Variants in COL26A1 observed in about 807,000 individuals in gnomAD.
The protein encoded by COL26A1 is collagen alpha-1(XXVI) chain.
In COL26A1, 41 loss-of-function variants were observed where a neutral mutation model predicts 59.3. That is an observed-to-expected ratio of 0.69 (90% CI 0.54 to 0.90). The LOEUF is 0.90. Among genes scored for constraint, COL26A1 ranks in the 40% least tolerant of loss-of-function variants. COL26A1 has a pLI of 0.00. For synonymous variants in COL26A1, 266 were observed against 256.0 expected, an observed-to-expected ratio of 1.04 and a Z score of -0.37; for missense variants, 612 against 602.3, an observed-to-expected ratio of 1.02 and a Z score of -0.17.
chr7:101,391,297 G>C (rs1400798244), intron 1 of COL26A1, among the ~76,000 whole-genome samples: 1 of 152,166 alleles, frequency 6.6e-6, no homozygotes, highest in Non-Finnish European at 1.5e-5. Flanking sequence ...TCCGGGCCTG[G>C]CCGGGATTCT....
At chr7:101,504,786 G>A (rs866677422) in intron 3 of COL26A1, among the ~76,000 whole-genome samples, 7 of 152,186 alleles carry the variant, frequency 4.6e-5, no homozygotes, top group Non-Finnish European at 8.8e-5. Context: ...CCAGAGCCTG[G>A]ACTCTTGGTT....
In COL26A1 at chr7:101,555,829, G is replaced by A. The variant is rs769822704; in HGVS notation, c.1123G>A (p.Ala375Thr). Residue 375 changes from alanine (A) to threonine (T), a missense_variant, in exon 12 of 13, where the codon GCA becomes ACA. Ala to Thr is a moderately conservative substitution (Grantham distance 58). Coordinates refer to ENST00000313669, the MANE Select transcript of COL26A1 (RefSeq NM_001278563.3). Reference protein sequence around the residue: ...QQLREALKILAERVLILEHMI... With the variant: ...QQLREALKILTERVLILEHMI... ...GCTGAGAGAGGCCCTGAAGATCCTG[G>A]CAGAGCGAGTCCTCATCCTGGAGCA... The A allele has an allele frequency of 1.2e-5, 19 of 1,611,950 alleles. No individual in the cohort carries two copies. The highest frequency in any genetic ancestry group is 1.7e-5 in the Admixed American group (1 of 59,794).
At chr7:101,409,673 C>T (rs1340084490) in intron 1 of COL26A1, among the ~76,000 whole-genome samples, 5 of 152,218 alleles carry the variant, frequency 3.3e-5, no homozygotes, top group Admixed American at 6.5e-5. Flanking sequence ...GCAGGTGTTG[C>T]AGCAGAGAAA....
chr7:101,398,829 G>A (rs1014627303), intron 1 of COL26A1, among the ~76,000 whole-genome samples: 11 of 152,064 alleles, frequency 7.2e-5, no homozygotes, highest in African/African-American at 1.7e-4. Context: ...ATTATCAGGC[G>A]GCAGTCTGAT....
chr7:101,507,875 G>A (rs187703287), intron 3 of COL26A1, among the ~76,000 whole-genome samples: 2 of 152,016 alleles, frequency 1.3e-5, no homozygotes, highest in Non-Finnish European at 2.9e-5. Flanking sequence ...AAATAGCACC[G>A]CCGCTGGTCC....
At chr7:101,536,328 G>C (rs1795482336) in intron 4 of COL26A1, among the ~76,000 whole-genome samples, 1 of 152,254 alleles carries the variant, frequency 6.6e-6, no homozygotes, top group Non-Finnish European at 1.5e-5. Context: ...TGGCAGCTTT[G>C]ATGGCCCAGA....
chr7:101,423,356 CT>C (rs1358380616), intron 2 of COL26A1, among the ~76,000 whole-genome samples: 1 of 152,154 alleles, frequency 6.6e-6, no homozygotes, highest in African/African-American at 2.4e-5. Context: ...CTGACCTGGA[CT>C]GAAAATTTTT....
At position 101,438,672 on chromosome 7, in the gene COL26A1, T is replaced by C. The variant is rs562368442; in HGVS notation, c.282-9012T>C. Among the ~76,000 whole-genome samples the C allele has an allele frequency of 1.3e-4, 20 of 151,464 alleles. 2 individuals carry two copies. Among genetic ancestry groups the C allele is most frequent in the South Asian group, 4.2e-4 (2 of 4,810 alleles). On this transcript the variant is annotated intron_variant, in intron 2 of 12. Coordinates refer to ENST00000313669, the MANE Select transcript of COL26A1 (RefSeq NM_001278563.3). ...CAGCCCCCTTAAGTTCCCCTTTCTT[T>C]TCTTTTTGTATTTTTTTTAGACAGT...
chr7:101,533,142 A>C lies in COL26A1; in HGVS notation c.446A>C (p.Lys149Thr). The C allele has an allele frequency of 6.2e-7, 1 of 1,601,610 alleles. No individual in the cohort carries two copies. The highest frequency in any genetic ancestry group is 8.5e-7 in the Non-Finnish European group (1 of 1,175,450). Residue 149 changes from lysine to threonine, a missense_variant and splice_region_variant, in exon 4 of 13, where the codon AAG becomes ACG. Lys to Thr is a moderately conservative substitution (Grantham distance 78, BLOSUM62 -1). Transcript: ENST00000313669. ...MSERLTTLEAKVLLLEAAERP... is the reference protein window; with the variant it reads ...MSERLTTLEATVLLLEAAERP... Reference sequence around the variant, plus strand: ...GAGCGACTGACCACACTGGAGGCCAAGGTCAGTCGGGCTGGGGAGTCTGGG... The same window carrying C: ...GAGCGACTGACCACACTGGAGGCCACGGTCAGTCGGGCTGGGGAGTCTGGG...
intron 3 of COL26A1, among the ~76,000 whole-genome samples, chr7:101,500,015 C>T (rs1429786037): frequency 6.6e-6 from 1 of 152,126 alleles, no homozygotes; most frequent in Non-Finnish European, 1.5e-5. Context: ...ATTTGACAGT[C>T]AGTTGAAGTC....
At chr7:101,463,456 C>T (rs1793660814) in intron 3 of COL26A1, among the ~76,000 whole-genome samples, 1 of 152,100 alleles carries the variant, frequency 6.6e-6, no homozygotes, top group Non-Finnish European at 1.5e-5. Flanking sequence ...GTGAATAATG[C>T]TGCCATAACC....
chr7:101,456,166 ATATTTTT>A (rs1562989141), intron 3 of COL26A1, among the ~76,000 whole-genome samples: 5 of 99,542 alleles, frequency 5.0e-5, no homozygotes, highest in African/African-American at 1.1e-4. Flanking sequence ...ATATATATAT[ATATTTTT>A]TTTTTAATGG....
At chr7:101,411,492 C>G (rs2130242082) in intron 1 of COL26A1, among the ~76,000 whole-genome samples, 1 of 152,070 alleles carries the variant, frequency 6.6e-6, no homozygotes, top group Non-Finnish European at 1.5e-5. Flanking sequence ...GACTTGCAGG[C>G]ACGGTGCCTA....
chr7:101,521,804 C>T (rs147895458), intron 3 of COL26A1, among the ~76,000 whole-genome samples: 73 of 152,190 alleles, frequency 4.8e-4, no homozygotes, highest in African/African-American at 1.6e-3. Context: ...CACGGGTAAC[C>T]ACTCACCTGA....
intron 1 of COL26A1, among the ~76,000 whole-genome samples, chr7:101,402,874 C>T (rs1192889326): frequency 6.7e-6 from 1 of 150,196 alleles, no homozygotes; most frequent in Non-Finnish European, 1.5e-5. Flanking sequence ...TTGACAGGGT[C>T]TTGCTCTTTT....
chr7:101,383,893 CT>C (rs1442955448), intron 1 of COL26A1, among the ~76,000 whole-genome samples: 4 of 152,136 alleles, frequency 2.6e-5, no homozygotes, highest in Admixed American at 2.6e-4. Flanking sequence ...TGGTCTCAAA[CT>C]CTTGACCTCA....
chr7:101,528,746 A>G (rs576171402), intron 3 of COL26A1, among the ~76,000 whole-genome samples: 2 of 152,180 alleles, frequency 1.3e-5, no homozygotes, highest in South Asian at 4.1e-4. Context: ...ACAGGGTCTC[A>G]CTGTGTTCAC....
At chr7:101,449,326 G>A (rs761929289) in intron 3 of COL26A1, among the ~76,000 whole-genome samples, 4 of 152,174 alleles carry the variant, frequency 2.6e-5, no homozygotes, top group Non-Finnish European at 4.4e-5. Flanking sequence ...TCAGCGCCAC[G>A]GCTGTGGACA....
chr7:101,368,070 A>C (rs1791092435), intron 1 of COL26A1, among the ~76,000 whole-genome samples: 1 of 152,106 alleles, frequency 6.6e-6, no homozygotes, highest in Non-Finnish European at 1.5e-5. Flanking sequence ...TGTTGGTTAT[A>C]TGCTCATGGT....
Sources: allele counts gnomAD v4.1 joint callset (sites outside exome capture counted in the v4.1 genomes callset), GRCh38; gene constraint gnomAD v4.1.1; transcripts MANE v1.5; gene names NCBI Gene and HGNC (gene_info 2026-07-23, HGNC 2026-07-21).